Variants in XRN1 observed in about 807,000 individuals in gnomAD.
XRN1 encodes the protein strand-exchange protein 1 homolog.
XRN1 carries 67 observed loss-of-function variants against 222.3 expected under a neutral mutation model. The observed-to-expected ratio is 0.30, with a 90% confidence interval of 0.25 to 0.37. XRN1 has a LOEUF of 0.37. Among genes scored for constraint, XRN1 ranks in the 10% least tolerant of loss-of-function variants. The pLI, the probability that XRN1 is intolerant of heterozygous loss-of-function variation, is 1.00. For missense variants in XRN1, 1,707 were observed against 2,000.2 expected, an observed-to-expected ratio of 0.85 and a Z score of 2.80; for synonymous variants, 643 against 652.4, an observed-to-expected ratio of 0.99 and a Z score of 0.22.
At chr3:142,350,217 C>T (rs909322175) in intron 32 of XRN1, among the ~76,000 whole-genome samples, 1 of 151,984 alleles carries the variant, frequency 6.6e-6, no homozygotes, top group Non-Finnish European at 1.5e-5. Context: ...TATTTTGTGG[C>T]TGGAAAAGAC....
At chr3:142,322,558 T>C (rs2065387043) in intron 37 of XRN1, among the ~76,000 whole-genome samples, 1 of 151,944 alleles carries the variant, frequency 6.6e-6, no homozygotes, top group Non-Finnish European at 1.5e-5. Flanking sequence ...GGGTTGCATG[T>C]GCCTGTAGTC....
chr3:142,334,260 A>G (rs949911212), intron 34 of XRN1, among the ~76,000 whole-genome samples: 2 of 152,188 alleles, frequency 1.3e-5, no homozygotes, highest in South Asian at 4.1e-4. Context: ...TTAAAAGTCA[A>G]GTAATTAAAC....
At chr3:142,406,132 T>C (rs1394026612) in intron 15 of XRN1, among the ~76,000 whole-genome samples, 1 of 151,976 alleles carries the variant, frequency 6.6e-6, no homozygotes, top group African/African-American at 2.4e-5. Flanking sequence ...AAGGTAAACA[T>C]ACATAAAAGT....
chr3:142,413,999 TAA>T, intron 14 of XRN1, 134 bp downstream of exon 14: 1 of 940,708 alleles, frequency 1.1e-6, no homozygotes, highest in Non-Finnish European at 1.5e-6. Flanking sequence ...AGGGACTTGT[TAA>T]AAAAATACTA....
At chr3:142,313,316 A>G in intron 39 of XRN1, 1 of 881,828 alleles carries the variant, frequency 1.1e-6, no homozygotes. Flanking sequence ...GTAATGAACC[A>G]ATGGGTGCCA....
rs1559879463 is a variant in XRN1 at position 142,431,881 on chromosome 3, ATATT to A, written c.308+776_308+779del. Among the ~76,000 whole-genome samples the A allele has an allele frequency of 2.0e-3, 117 of 59,150 alleles. 1 individual carries two copies. Among genetic ancestry groups the A allele is most frequent in the African/African-American group, 0.011 (111 of 10,494 alleles). 38.8% of individuals were successfully genotyped at this position (59,150 alleles called of 152,430 possible). On this transcript the variant is annotated intron_variant, in intron 2 of 40. Transcript: ENST00000392981. ...TTATATATAATATATTATATTATATATATTATATATAATATATATATTATATATA... is the reference window on the plus strand; with the variant it reads ...TTATATATAATATATTATATTATATAATATATAATATATATATTATATATA...
rs756830461 is a variant in XRN1 at position 142,365,111 on chromosome 3, T to A, written c.3330A>T (p.Val1110=). ...GAACTGAGAAGTTTTCTCTCACATT[T>A]ACAACACGGTCAAAAAGACAAAATT... ...DAEFCLFDRV[V]NVRENFSVPV... Residue 1110 remains valine (V), a synonymous_variant, in exon 29 of 41, where the codon GTA becomes GTT. Transcript: ENST00000392981. 5.6e-6 allele frequency: 9 copies of A among 1,613,546 alleles called. No individual in the cohort carries two copies. The highest frequency in any genetic ancestry group is 7.6e-6 in the Non-Finnish European group (9 of 1,179,688).
At chr3:142,317,463 T>C (rs2065241915) in intron 39 of XRN1, among the ~76,000 whole-genome samples, 1 of 152,182 alleles carries the variant, frequency 6.6e-6, no homozygotes, top group Non-Finnish European at 1.5e-5. Flanking sequence ...CAATTTCCTA[T>C]CTGGGGAGAA....
chr3:142,402,117 T>C (rs938830639), intron 18 of XRN1, among the ~76,000 whole-genome samples: 2 of 152,206 alleles, frequency 1.3e-5, no homozygotes, highest in African/African-American at 4.8e-5. Flanking sequence ...TGTTGACAAC[T>C]TGAATATCCT....
At chr3:142,394,686 T>C (rs2067863862) in intron 20 of XRN1, among the ~76,000 whole-genome samples, 2 of 152,208 alleles carry the variant, frequency 1.3e-5, no homozygotes, top group Admixed American at 6.5e-5. Flanking sequence ...AGAATCCATC[T>C]CCTTCCATCT....
intron 34 of XRN1, among the ~76,000 whole-genome samples, chr3:142,334,727 ATATATAATGTCTATGTGTGTG>A (rs972250117): frequency 2.0e-5 from 3 of 151,026 alleles, no homozygotes; most frequent in African/African-American, 7.3e-5. Flanking sequence ...ATATAAGACC[ATATATAATGTCTATGTGTGTG>A]TATATATATG....
At chr3:142,369,525 G>T (rs1011281387) in intron 27 of XRN1, among the ~76,000 whole-genome samples, 5 of 151,888 alleles carry the variant, frequency 3.3e-5, no homozygotes, top group African/African-American at 1.2e-4. Context: ...GCAGGTACCT[G>T]TAATCCCAGC....
intron 1 of XRN1, among the ~76,000 whole-genome samples, chr3:142,446,951 C>A (rs2070531816): frequency 6.6e-6 from 1 of 152,164 alleles, no homozygotes; most frequent in African/African-American, 2.4e-5. Context: ...CCCATCACAA[C>A]TGATTCAATC....
chr3:142,381,821 CT>C (rs1238986320), intron 22 of XRN1, among the ~76,000 whole-genome samples: 1 of 152,082 alleles, frequency 6.6e-6, no homozygotes, highest in Non-Finnish European at 1.5e-5. Flanking sequence ...CTATCTTGGC[CT>C]CCCAAAGTGC....
In XRN1 at chr3:142,375,875, A is replaced by G. The variant is rs2067126517; in HGVS notation, c.2901T>C (p.Pro967=). 1 of 1,613,910 alleles carries G rather than the reference A, an allele frequency of 6.2e-7. No individual in the cohort carries two copies. The highest frequency in any genetic ancestry group is 2.2e-5 in the East Asian group (1 of 44,864). Residue 967 remains proline (P), a synonymous_variant, in exon 25 of 41, where the codon CCT becomes CCC. Transcript: ENST00000392981. ...CACTTCCAACTTTCTTAGTATATCC[A>G]GGTACCTCCTCATTTTTCTTGTTGA... ...LKFNKKNEEV[P]GYTKKVGSEW...
At chr3:142,322,128 G>A (rs1359811140) in intron 37 of XRN1, among the ~76,000 whole-genome samples, 1 of 152,128 alleles carries the variant, frequency 6.6e-6, no homozygotes, top group Non-Finnish European at 1.5e-5. Context: ...CTTTCTTGCG[G>A]TCAGTAGGTC....
rs535473035 is a variant in XRN1 at position 142,378,495 on chromosome 3, A to G, written c.2715+1587T>C. Among the ~76,000 whole-genome samples, 21 of 152,322 alleles carry G rather than the reference A, an allele frequency of 1.4e-4. 1 individual carries two copies. In the South Asian group the frequency reaches 4.3e-3, roughly 32 times the overall value. ...AGATGCTATATATAGCCAGAGAATA[A>G]GGACACACTTTTAGAAATTAAAATG... On this transcript the variant is annotated intron_variant, in intron 23 of 40. Transcript: ENST00000392981.
At chr3:142,363,324 C>T (rs78360681) in intron 29 of XRN1, among the ~76,000 whole-genome samples, 234 of 151,300 alleles carry the variant, frequency 1.5e-3, no homozygotes, top group African/African-American at 5.5e-3. Context: ...ATATACAGCA[C>T]GATTTTTAAA....
Position 142,447,155 on chromosome 3 carries a change from T to C in XRN1, c.75+715A>G, listed in dbSNP as rs573421475. Among the ~76,000 whole-genome samples the C allele has an allele frequency of 1.2e-4, 18 of 152,198 alleles. No homozygotes were observed. Among genetic ancestry groups the C allele is most frequent in the Non-Finnish European group, 1.2e-4 (8 of 68,044 alleles). On this transcript the variant is annotated intron_variant, in intron 1 of 40. Transcript: ENST00000392981. This position sits in a 1 kb window ranked among gnomAD's most constrained non-coding sequence, Gnocchi z 4.2. ...CACATTAACGTTGTCCTGGGGTCAG[T>C]ACATGCCAAATATTATTAGTAGTAT...
Sources: gnomAD v4.1 joint callset for allele counts (sites outside exome capture counted in the v4.1 genomes callset) on GRCh38, gnomAD v4.1.1 for gene constraint, Gnocchi (gnomAD v3.1) non-coding constraint, MANE v1.5 for transcripts, NCBI Gene and HGNC (gene_info 2026-07-23, HGNC 2026-07-21) for gene names.